Variants in LRRC14 observed in about 807,000 individuals in gnomAD.
LRRC14 encodes the protein leucine rich repeat containing 14.
A neutral mutation model predicts 25.3 loss-of-function variants in LRRC14; 16 were observed. The ratio of observed to expected loss-of-function variants is 0.63; its 90% CI spans 0.43 to 0.96. The LOEUF is 0.96. Ranked by LOEUF, LRRC14 falls within the 40% of genes least tolerant of loss-of-function variation. LRRC14 has a pLI of 0.00. For missense variants in LRRC14, 594 were observed against 660.5 expected (o/e 0.90, Z 1.10); for synonymous variants, 359 against 295.1 (o/e 1.22, Z -2.22).
rs1278605181 is a variant in LRRC14, at chr8:144,524,180, C to T, written c.*2702C>T. On this transcript the variant is annotated 3_prime_UTR_variant, in exon 4 of 4. Coordinates refer to ENST00000292524, the MANE Select transcript of LRRC14 (RefSeq NM_014665.4). ...CTCGGCTGATGGTGCCCAGCTGGTT[C>T]CTGCTGAGGTCCAGCAGTGCTAGGG... 1.2e-6 allele frequency: 2 copies of T among 1,611,396 alleles called. No homozygotes were observed. The highest frequency in any genetic ancestry group is 2.2e-5 in the East Asian group (1 of 44,860).
At position 144,524,728 on chromosome 8, in the gene LRRC14, C is replaced by T. The variant is rs1215958723; in HGVS notation, c.*3250C>T. ...TCCTGCAGGAACAGTGTCTGCAGGC[C>T]GGGGAAAGAGGAGGCGCTTACCCCG... On this transcript the variant is annotated 3_prime_UTR_variant, in exon 4 of 4. Coordinates refer to ENST00000292524, the MANE Select transcript of LRRC14 (RefSeq NM_014665.4). The T allele has an allele frequency of 4.8e-6, 7 of 1,444,240 alleles. No homozygotes were observed. The highest frequency in any genetic ancestry group is 4.4e-5 in the African/African-American group (3 of 67,774). 89.5% of individuals were successfully genotyped at this position (1,444,240 alleles called of 1,614,324 possible). A position where few individuals can be genotyped will look rare whatever the true frequency, so the allele number is the denominator to read the frequency against.
rs1816279851 is a variant in LRRC14 at position 144,524,554 on chromosome 8, G to C, written c.*3076G>C. 6.3e-7 allele frequency: 1 copy of C among 1,575,812 alleles called. No individual in the cohort carries two copies. Among genetic ancestry groups the C allele is most frequent in the Non-Finnish European group, 8.6e-7 (1 of 1,169,276 alleles). On this transcript the variant is annotated 3_prime_UTR_variant, in exon 4 of 4. Coordinates refer to ENST00000292524, the MANE Select transcript of LRRC14 (RefSeq NM_014665.4). ...GCGCCGCTGCGCAAGCCGCGCAGCC[G>C]GTTGCTAGTGAGCGCCAGCTCCAGC...
At chr8:144,519,591 T>C in intron 1 of LRRC14, 24 bp from the exon 2 acceptor site, 1 of 757,038 alleles carries the variant, frequency 1.3e-6, no homozygotes, top group Non-Finnish European at 2.2e-6. Flanking sequence ...CCATGGCCAC[T>C]GCTAACTGCT....
In LRRC14 at chr8:144,523,751, T is replaced by G; in HGVS notation, c.*2273T>G. ...TAGACATCTCACCAGCACTGAAACC[T>G]CACAAGTCCTCTCAGCCTTGCCTTT... On this transcript the variant is annotated 3_prime_UTR_variant, in exon 4 of 4. Transcript: ENST00000292524. 2.4e-6 allele frequency: 1 copy of G among 413,246 alleles called. No homozygotes were observed. Among genetic ancestry groups the G allele is most frequent in the Non-Finnish European group, 4.3e-6 (1 of 232,832 alleles). The allele number at this position is 413,246 out of a possible 1,614,324, so 25.6% of individuals were successfully genotyped here.
At position 144,522,270 on chromosome 8, in the gene LRRC14, C is replaced by T; in HGVS notation, c.*792C>T. 1.4e-6 allele frequency: 1 copy of T among 712,308 alleles called. No individual in the cohort carries two copies. Among genetic ancestry groups the T allele is most frequent in the Non-Finnish European group, 2.0e-6 (1 of 488,654 alleles). The allele number at this position is 712,308 out of a possible 1,614,324, so 44.1% of individuals were successfully genotyped here. A position where few individuals can be genotyped will look rare whatever the true frequency, so the allele number is the denominator to read the frequency against. On this transcript the variant is annotated 3_prime_UTR_variant, in exon 4 of 4. Coordinates refer to ENST00000292524, the MANE Select transcript of LRRC14 (RefSeq NM_014665.4). ...GCAGAGCTGGAGGTTGGGGTGATGT[C>T]TTTTCGGAAGAGCTTCAAGGGAGGT...
In LRRC14 at chr8:144,524,609, C is replaced by G; in HGVS notation, c.*3131C>G. 1 of 1,525,326 alleles carries G rather than the reference C, an allele frequency of 6.6e-7. No homozygotes were observed. Among genetic ancestry groups the G allele is most frequent in the South Asian group, 1.2e-5 (1 of 82,996 alleles). The allele number at this position is 1,525,326 out of a possible 1,614,324, so 94.5% of individuals were successfully genotyped here. On this transcript the variant is annotated 3_prime_UTR_variant, in exon 4 of 4. Coordinates refer to ENST00000292524, the MANE Select transcript of LRRC14 (RefSeq NM_014665.4). ...GCGGCTGCGCGCGGAAGGCGCCGGCCTCCAGGGCGCGCAGGCTGTTGTTGT... is the reference window on the plus strand; with the variant it reads ...GCGGCTGCGCGCGGAAGGCGCCGGCGTCCAGGGCGCGCAGGCTGTTGTTGT...
Position 144,521,179 on chromosome 8 carries a change from C to T in LRRC14, c.1183C>T (p.Leu395Phe), listed in dbSNP as rs781619716. ...ACCCATCCTGACTCAGTGCGCCAGT[C>T]TCCGGTACCTTGGCCTCTATGGCAA... Reference protein sequence around the residue: ...TLPILTQCASLRYLGLYGNPL... With the variant: ...TLPILTQCASFRYLGLYGNPL... The change falls in exon 4 of 4, where the codon CTC becomes TTC. Residue 395 changes from leucine (L) to phenylalanine (F), a missense_variant. Leu to Phe is a conservative substitution (Grantham distance 22, BLOSUM62 0). Coordinates refer to ENST00000292524, the MANE Select transcript of LRRC14 (RefSeq NM_014665.4). The T allele has an allele frequency of 1.1e-5, 17 of 1,613,122 alleles. No individual in the cohort carries two copies. The highest frequency in any genetic ancestry group is 1.4e-5 in the Non-Finnish European group (16 of 1,180,046).
rs550773595 is a variant in LRRC14, at chr8:144,520,608, C to G, written c.700C>G (p.Leu234Val). 2.5e-6 allele frequency: 4 copies of G among 1,601,480 alleles called. No homozygotes were observed. The Admixed American group carries it at 6.7e-5, about 27-fold the overall frequency. ...GGACCTGCGCTTCAACAATCTGGGC[C>G]TGCGCGGCCTGTCTGTGATCATCCC... ...RVDLRFNNLG[L>V]RGLSVIIPHV... Residue 234 changes from leucine to valine, a missense_variant, in exon 3 of 4, where the codon CTG becomes GTG. Leu to Val is a conservative substitution (Grantham distance 32, BLOSUM62 1). Coordinates refer to ENST00000292524, the MANE Select transcript of LRRC14 (RefSeq NM_014665.4).
chr8:144,523,138 C>T lies in LRRC14; in HGVS notation c.*1660C>T. 2 of 1,610,838 alleles carry T rather than the reference C, an allele frequency of 1.2e-6. No homozygotes were observed. The highest frequency in any genetic ancestry group is 1.7e-6 in the Non-Finnish European group (2 of 1,179,520). ...CCTCGCGAGGCTGGGGCACCTTTCT[C>T]CAGGTCACCAATGGCTGCGGGTAGC... On this transcript the variant is annotated 3_prime_UTR_variant, in exon 4 of 4. Transcript: ENST00000292524.
In LRRC14 at chr8:144,524,602, C is replaced by G. The variant is rs1236395497; in HGVS notation, c.*3124C>G. 1 of 1,527,476 alleles carries G rather than the reference C, an allele frequency of 6.5e-7. No individual in the cohort carries two copies. The highest frequency in any genetic ancestry group is 8.7e-7 in the Non-Finnish European group (1 of 1,146,174). 94.6% of individuals were successfully genotyped at this position (1,527,476 alleles called of 1,614,324 possible). A position where few individuals can be genotyped will look rare whatever the true frequency, so the allele number is the denominator to read the frequency against. On this transcript the variant is annotated 3_prime_UTR_variant, in exon 4 of 4. Coordinates refer to ENST00000292524, the MANE Select transcript of LRRC14 (RefSeq NM_014665.4). ...AGCAGGCGCGGCTGCGCGCGGAAGGCGCCGGCCTCCAGGGCGCGCAGGCTG... is the reference window on the plus strand; with the variant it reads ...AGCAGGCGCGGCTGCGCGCGGAAGGGGCCGGCCTCCAGGGCGCGCAGGCTG...
chr8:144,525,117 T>C lies in LRRC14; in HGVS notation c.*3639T>C, dbSNP rs1011091466. The C allele has an allele frequency of 1.1e-6, 1 of 925,784 alleles. No homozygotes were observed. Among genetic ancestry groups the C allele is most frequent in the Admixed American group, 3.8e-5 (1 of 26,216 alleles). The allele number at this position is 925,784 out of a possible 1,614,324, so 57.3% of individuals were successfully genotyped here. A position where few individuals can be genotyped will look rare whatever the true frequency, so the allele number is the denominator to read the frequency against. On this transcript the variant is annotated 3_prime_UTR_variant, in exon 4 of 4. Coordinates refer to ENST00000292524, the MANE Select transcript of LRRC14 (RefSeq NM_014665.4). Reference sequence around the variant, plus strand: ...GGAGGCCTGCACCTGCGTCTAACTTTTGACGCTATAAATAGGTTCAAGAAA... The same window carrying C: ...GGAGGCCTGCACCTGCGTCTAACTTCTGACGCTATAAATAGGTTCAAGAAA...
intron 1 of LRRC14, among the ~76,000 whole-genome samples, chr8:144,519,026 G>A (rs1815727680): frequency 6.6e-6 from 1 of 152,222 alleles, no homozygotes; most frequent in African/African-American, 2.4e-5. Flanking sequence ...CTTTCTTTCG[G>A]GGTCTCCGTG....
Position 144,520,401 on chromosome 8 carries a change from G to C in LRRC14, c.493G>C (p.Val165Leu), listed in dbSNP as rs1292091347. ...AAEPGPAPIPVEVRVDLRVNR... is the reference protein window; with the variant it reads ...AAEPGPAPIPLEVRVDLRVNR... ...AGAGCCTGGGCCAGCCCCCATCCCC[G>C]TGGAGGTGCGCGTGGACCTGCGGGT... Residue 165 changes from valine to leucine, a missense_variant, in exon 3 of 4, where the codon GTG (valine) becomes CTG (leucine). Physicochemically the swap from Val to Leu is conservative, Grantham distance 32. Transcript: ENST00000292524. The C allele has an allele frequency of 6.2e-7, 1 of 1,606,594 alleles. No individual in the cohort carries two copies. Among genetic ancestry groups the C allele is most frequent in the Non-Finnish European group, 8.5e-7 (1 of 1,177,622 alleles).
Position 144,524,822 on chromosome 8 carries a change from C to T in LRRC14, c.*3344C>T, listed in dbSNP as rs888025541. On this transcript the variant is annotated 3_prime_UTR_variant, in exon 4 of 4. Coordinates refer to ENST00000292524, the MANE Select transcript of LRRC14 (RefSeq NM_014665.4). ...AGCTCCACACGGTGCCCACCTGCGT[C>T]CCTGGCGGGATTCCCAGCGGGACGA... 14 of 1,469,242 alleles carry T rather than the reference C, an allele frequency of 9.5e-6. No homozygotes were observed. The East Asian group carries it at 2.6e-4, about 27-fold the overall frequency. 91.0% of individuals were successfully genotyped at this position (1,469,242 alleles called of 1,614,324 possible). A position where few individuals can be genotyped will look rare whatever the true frequency, so the allele number is the denominator to read the frequency against.
rs114251607 is a variant in LRRC14, at chr8:144,524,616, G to A, written c.*3138G>A. The A allele has an allele frequency of 1.5e-3, 2,363 of 1,524,668 alleles. 35 individuals carry two copies. In the African/African-American group the frequency reaches 0.031, roughly 20 times the overall value. 94.4% of individuals were successfully genotyped at this position (1,524,668 alleles called of 1,614,324 possible). The stretch of plus-strand genomic sequence containing the variant: ...CGCGCGGAAGGCGCCGGCCTCCAGG[G>A]CGCGCAGGCTGTTGTTGTGCAGGTA... On this transcript the variant is annotated 3_prime_UTR_variant, in exon 4 of 4. Coordinates refer to ENST00000292524, the MANE Select transcript of LRRC14 (RefSeq NM_014665.4).
Position 144,524,403 on chromosome 8 carries a change from A to G in LRRC14, c.*2925A>G. On this transcript the variant is annotated 3_prime_UTR_variant, in exon 4 of 4. Coordinates refer to ENST00000292524, the MANE Select transcript of LRRC14 (RefSeq NM_014665.4). ...CCAGCCCTACAGGGCGAGGGGCCAT[A>G]ATGGAGTATCCCGCCCCTTTAGACC... The G allele has an allele frequency of 6.3e-7, 1 of 1,595,594 alleles. No homozygotes were observed.
In LRRC14 at chr8:144,522,064, T is replaced by TATCCTTATCTCTGCTGTCACCCCC. The variant is rs1816105372; in HGVS notation, c.*588_*611dup. ...TTTTTCTGTCCACGTTGGTCACCCT[T>TATCCTTATCTCTGCTGTCACCCCC]ATCCTTATCTCTGCTGTCACCCCCA... On this transcript the variant is annotated 3_prime_UTR_variant, in exon 4 of 4. Transcript: ENST00000292524. The TATCCTTATCTCTGCTGTCACCCCC allele has an allele frequency of 4.8e-6, 1 of 210,208 alleles. No individual in the cohort carries two copies. Among genetic ancestry groups the TATCCTTATCTCTGCTGTCACCCCC allele is most frequent in the Non-Finnish European group, 9.4e-6 (1 of 105,886 alleles). The allele number at this position is 210,208 out of a possible 1,614,324, so 13.0% of individuals were successfully genotyped here.
chr8:144,522,705 GC>G lies in LRRC14; in HGVS notation c.*1232del. 3 of 1,596,026 alleles carry G rather than the reference GC, an allele frequency of 1.9e-6. No individual in the cohort carries two copies. Among genetic ancestry groups the G allele is most frequent in the African/African-American group, 1.4e-5 (1 of 73,862 alleles). ...ACGAACAGCGCTCCCTCCCCCGGAG[GC>G]CCCCGCGCCTTTTTTCGCCTGCGGC... On this transcript the variant is annotated 3_prime_UTR_variant, in exon 4 of 4. Coordinates refer to ENST00000292524, the MANE Select transcript of LRRC14 (RefSeq NM_014665.4).
chr8:144,524,518 G>C lies in LRRC14; in HGVS notation c.*3040G>C. 1 of 1,593,134 alleles carries C rather than the reference G, an allele frequency of 6.3e-7. No homozygotes were observed. Among genetic ancestry groups the C allele is most frequent in the Non-Finnish European group, 8.5e-7 (1 of 1,177,906 alleles). ...AGGTAGAGCACGCGCAGCTGGGCCA[G>C]GCCTACGAAGGCGCCGCTGCGCAAG... is the stretch of plus-strand genomic sequence containing the variant. On this transcript the variant is annotated 3_prime_UTR_variant, in exon 4 of 4. Coordinates refer to ENST00000292524, the MANE Select transcript of LRRC14 (RefSeq NM_014665.4).
Sources: allele counts gnomAD v4.1 joint callset (sites outside exome capture counted in the v4.1 genomes callset), GRCh38; gene constraint gnomAD v4.1.1; transcripts MANE v1.5; gene names NCBI Gene and HGNC (gene_info 2026-07-23, HGNC 2026-07-21).